Variants in CFAP20DC observed in about 807,000 individuals in gnomAD.
CFAP20DC encodes protein CFAP20DC.
CFAP20DC carries 84 observed loss-of-function variants against 101.7 expected under a neutral mutation model. That is an observed-to-expected ratio of 0.83 (90% confidence interval 0.69 to 0.99). CFAP20DC has a LOEUF of 0.99. Among genes scored for constraint, CFAP20DC ranks in the 50% least tolerant of loss-of-function variants. The probability of loss-of-function intolerance (pLI) is 0.00; values close to 1 mark genes in which losing one functional copy is unlikely to be tolerated. For synonymous variants in CFAP20DC, 359 were observed against 351.2 expected (o/e 1.02, Z -0.25); for missense variants, 1,007 against 970.3 (o/e 1.04, Z -0.50).
intron 5 of CFAP20DC, among the ~76,000 whole-genome samples, chr3:58,926,680 A>ACATTATACC (rs931346854): frequency 2.8e-4 from 42 of 152,202 alleles, no homozygotes; most frequent in Admixed American, 3.9e-4. Flanking sequence ...AGTTTTAAAA[A>ACATTATACC]CATTATACCA....
intron 4 of CFAP20DC, among the ~76,000 whole-genome samples, chr3:58,950,491 T>G (rs898121480): frequency 1.9e-4 from 29 of 152,228 alleles, no homozygotes; most frequent in Non-Finnish European, 3.2e-4. Context: ...GGAGGCATCA[T>G]GCTACCTGAC....
intron 4 of CFAP20DC, among the ~76,000 whole-genome samples, chr3:58,986,871 C>T (rs559110747): frequency 3.6e-4 from 55 of 152,208 alleles, no homozygotes; most frequent in African/African-American, 9.9e-4. Context: ...GGAAATGATA[C>T]ACCATGAGGG....
chr3:58,870,129 C>G (rs1459859714), intron 8 of CFAP20DC, 44 bp downstream of exon 8: 17 of 1,575,422 alleles, frequency 1.1e-5, no homozygotes, highest in Non-Finnish European at 1.3e-5. Context: ...CTTCCCTTAC[C>G]AGGTCACTTG....
At chr3:58,989,924 TG>T (rs1476976125) in intron 4 of CFAP20DC, among the ~76,000 whole-genome samples, 1 of 152,088 alleles carries the variant, frequency 6.6e-6, no homozygotes, top group Non-Finnish European at 1.5e-5. Context: ...AGAAAGGTGG[TG>T]GTCAAGAGTT....
rs139004031 is a variant in CFAP20DC at position 58,866,653 on chromosome 3, C to T, written c.1171G>A (p.Ala391Thr). ...GACACAGTGGTGAGGATAGTTGATGCTTTATCTTCAATCCTATTATTTCCT... is the reference window on the plus strand; with the variant it reads ...GACACAGTGGTGAGGATAGTTGATGTTTTATCTTCAATCCTATTATTTCCT... ...SSGNNRIEDK[A>T]STILTTVSQQ... The change falls in exon 11 of 17, where the codon GCA becomes ACA. Residue 391 changes from alanine to threonine, a missense_variant. By Grantham distance (58) the Ala-to-Thr change is moderately conservative. Transcript: ENST00000482387. 54 of 1,594,746 alleles carry T rather than the reference C, an allele frequency of 3.4e-5. No individual in the cohort carries two copies. The African/African-American group carries it at 7.0e-4, about 21-fold the overall frequency.
intron 4 of CFAP20DC, among the ~76,000 whole-genome samples, chr3:59,024,895 A>T (rs958156264): frequency 6.6e-6 from 1 of 152,216 alleles, no homozygotes; most frequent in African/African-American, 2.4e-5. Context: ...ATGGGATCAA[A>T]GAAACATATC....
chr3:58,845,158 A>C (rs2077508234), intron 13 of CFAP20DC, among the ~76,000 whole-genome samples: 1 of 151,432 alleles, frequency 6.6e-6, no homozygotes, highest in African/African-American at 2.4e-5. Context: ...GAAATAACTA[A>C]AATCAGAGCA....
intron 4 of CFAP20DC, among the ~76,000 whole-genome samples, chr3:59,032,695 C>T (rs536004479): frequency 9.2e-5 from 14 of 152,320 alleles, no homozygotes; most frequent in African/African-American, 3.1e-4. Context: ...GCAGCAGCCC[C>T]AGTCAGGCAC....
rs1700160168 is a variant in CFAP20DC, at chr3:59,049,684, G to C, written c.-53C>G. The C allele has an allele frequency of 2.0e-6, 3 of 1,532,050 alleles. No individual in the cohort carries two copies. The highest frequency in any genetic ancestry group is 2.6e-6 in the Non-Finnish European group (3 of 1,144,570). The allele number at this position is 1,532,050 out of a possible 1,614,324, so 94.9% of individuals were successfully genotyped here. A position where few individuals can be genotyped will look rare whatever the true frequency, so the allele number is the denominator to read the frequency against. On this transcript the variant is annotated 5_prime_UTR_variant, in exon 1 of 17. Coordinates refer to ENST00000482387, the MANE Select transcript of CFAP20DC (RefSeq NM_001394063.1). ...GCACAGAGTTCAGGGTTTCCAGCGA[G>C]TGGCGTGACCCTGACGGCTGGAAAT...
At chr3:58,837,095 C>T (rs1362445906) in intron 13 of CFAP20DC, among the ~76,000 whole-genome samples, 1 of 152,284 alleles carries the variant, frequency 6.6e-6, no homozygotes. Flanking sequence ...AATACTTATA[C>T]ATTACTGTTT....
At chr3:58,730,833 TTCAGTG>T (rs2067631514) in intron 3 of CFAP20DC, among the ~76,000 whole-genome samples, 1 of 152,118 alleles carries the variant, frequency 6.6e-6, no homozygotes, top group African/African-American at 2.4e-5. Context: ...AGCAGTGTGG[TTCAGTG>T]ATAACACAAA....
chr3:59,024,787 C>A (rs2093863547), intron 4 of CFAP20DC, among the ~76,000 whole-genome samples: 1 of 152,220 alleles, frequency 6.6e-6, no homozygotes, highest in Non-Finnish European at 1.5e-5. Context: ...ATTTAATTAA[C>A]TACCAGAATA....
intron 15 of CFAP20DC, among the ~76,000 whole-genome samples, chr3:58,782,525 A>G (rs1206100413): frequency 6.6e-6 from 1 of 152,122 alleles, no homozygotes; most frequent in African/African-American, 2.4e-5. Context: ...TCTTAACTCT[A>G]GAAAAACCTA....
intron 14 of CFAP20DC, among the ~76,000 whole-genome samples, chr3:58,820,113 G>C (rs1001193567): frequency 4.0e-5 from 6 of 151,770 alleles, no homozygotes; most frequent in South Asian, 2.1e-4. Context: ...TAAGAACTCT[G>C]AATAAATTAG....
intron 3 of CFAP20DC, among the ~76,000 whole-genome samples, chr3:59,039,873 TA>T (rs992748630): frequency 1.3e-5 from 2 of 151,986 alleles, no homozygotes; most frequent in African/African-American, 4.8e-5. Context: ...AAATTTTTAT[TA>T]AAATTTCAAA....
intron 4 of CFAP20DC, among the ~76,000 whole-genome samples, chr3:58,972,353 C>T (rs7635706): frequency 0.094 from 14,282 of 152,006 alleles, 2,232 homozygotes; most frequent in African/African-American, 0.32. Context: ...CAGATGACAG[C>T]TCAATGCTAT....
At chr3:59,013,918 G>C (rs369044269) in intron 4 of CFAP20DC, among the ~76,000 whole-genome samples, 1 of 152,132 alleles carries the variant, frequency 6.6e-6, no homozygotes, top group East Asian at 1.9e-4. Flanking sequence ...CAGGGAACAA[G>C]AATTAATTTG....
chr3:58,952,022 T>C (rs554605409), intron 4 of CFAP20DC, among the ~76,000 whole-genome samples: 12 of 152,296 alleles, frequency 7.9e-5, no homozygotes, highest in Admixed American at 7.8e-4. Flanking sequence ...GCTGGGCAAT[T>C]TGCAAAGTTC....
intron 3 of CFAP20DC, among the ~76,000 whole-genome samples, chr3:58,730,252 A>G (rs900973361): frequency 1.3e-5 from 2 of 152,220 alleles, no homozygotes; most frequent in African/African-American, 4.8e-5. Flanking sequence ...AAAAATTGGT[A>G]AGTACTGTAT....
Sources: allele counts gnomAD v4.1 joint callset (sites outside exome capture counted in the v4.1 genomes callset), GRCh38; gene constraint gnomAD v4.1.1; transcripts MANE v1.5; gene names NCBI Gene and HGNC (gene_info 2026-07-23, HGNC 2026-07-21).